Variants in SATB2 observed in about 807,000 individuals in gnomAD.
SATB2 encodes the protein DNA-binding protein SATB2.
Under a neutral mutation model 73.4 loss-of-function variants are expected in SATB2, and 1 was observed. That is an observed-to-expected ratio of 0.01 (90% confidence interval 0.00 to 0.06). SATB2 has a LOEUF of 0.06. Ranked by LOEUF, SATB2 falls within the 10% of genes least tolerant of loss-of-function variation. The probability of loss-of-function intolerance (pLI) is 1.00; values close to 1 mark genes in which losing one functional copy is unlikely to be tolerated. For missense variants in SATB2, 459 were observed against 945.8 expected, an observed-to-expected ratio of 0.49 and a Z score of 6.75; for synonymous variants, 397 against 367.0, an observed-to-expected ratio of 1.08 and a Z score of -0.93.
intron 5 of SATB2, among the ~76,000 whole-genome samples, chr2:199,375,215 C>T (rs956956298): frequency 1.3e-5 from 2 of 152,106 alleles, no homozygotes; most frequent in Non-Finnish European, 2.9e-5. Flanking sequence ...CAAATTGGAA[C>T]AGCTAAGGAC....
intron 6 of SATB2, among the ~76,000 whole-genome samples, chr2:199,363,931 C>A (rs1248716633): frequency 6.6e-6 from 1 of 152,158 alleles, no homozygotes; most frequent in Non-Finnish European, 1.5e-5. Context: ...AAGCTGAAAG[C>A]AAATTTCTCT....
Position 199,323,961 on chromosome 2 carries a change from A to G in SATB2, c.1387-3T>C. On this transcript the variant is annotated splice_region_variant and splice_polypyrimidine_tract_variant and intron_variant, in intron 8 of 10. Transcript: ENST00000417098. Reference sequence around the variant, plus strand: ...GTTGTCGGTGTCGAGGTTTTGGCCTACCAAGAGACCATGAAAATAATAATT... The same window carrying G: ...GTTGTCGGTGTCGAGGTTTTGGCCTGCCAAGAGACCATGAAAATAATAATT... 1 of 1,613,314 alleles carries G rather than the reference A, an allele frequency of 6.2e-7. No individual in the cohort carries two copies.
chr2:199,345,100 T>C (rs1195201239), intron 7 of SATB2, among the ~76,000 whole-genome samples: 3 of 151,994 alleles, frequency 2.0e-5, no homozygotes, highest in East Asian at 1.9e-4. Context: ...TCTCCTGGCA[T>C]TTCTTCTCTC....
chr2:199,310,407 A>AT (rs555797252), intron 9 of SATB2, among the ~76,000 whole-genome samples: 12 of 152,056 alleles, frequency 7.9e-5, no homozygotes, highest in East Asian at 5.8e-4. Flanking sequence ...ATTTTCATAG[A>AT]TTTTTTTTCA....
At chr2:199,354,212 C>G (rs569825696) in intron 6 of SATB2, among the ~76,000 whole-genome samples, 1 of 152,152 alleles carries the variant, frequency 6.6e-6, no homozygotes, top group Admixed American at 6.5e-5. Context: ...CAAAATTAGC[C>G]AGGTGTGGTG....
At chr2:199,321,243 A>G (rs758183917) in intron 9 of SATB2, among the ~76,000 whole-genome samples, 8 of 152,038 alleles carry the variant, frequency 5.3e-5, no homozygotes, top group Non-Finnish European at 1.2e-4. Context: ...AGGTGTATAT[A>G]TATGACTAAG....
intron 2 of SATB2, among the ~76,000 whole-genome samples, chr2:199,442,817 G>C (rs1371398996): frequency 6.6e-6 from 1 of 152,100 alleles, no homozygotes; most frequent in Non-Finnish European, 1.5e-5. Flanking sequence ...GAATATAACA[G>C]AAAAGTTCAA....
At chr2:199,372,013 G>A (rs1202466465) in intron 5 of SATB2, among the ~76,000 whole-genome samples, 2 of 152,142 alleles carry the variant, frequency 1.3e-5, no homozygotes, top group Non-Finnish European at 2.9e-5. Flanking sequence ...CTCAGATACC[G>A]AGACACAGCC....
Position 199,455,814 on chromosome 2 carries a change from C to T in SATB2, c.169+55G>A, listed in dbSNP as rs1692255086. On this transcript the variant is annotated intron_variant, in intron 2 of 10. Transcript: ENST00000417098. This position sits in a 1 kb window ranked among gnomAD's most constrained non-coding sequence, Gnocchi z 4.1. ...GCCTAATCAACCTGAACCCTGACACCCGGGCCATTATCACTGGGCCGCGGG... is the reference window on the plus strand; with the variant it reads ...GCCTAATCAACCTGAACCCTGACACTCGGGCCATTATCACTGGGCCGCGGG... 1 of 1,523,206 alleles carries T rather than the reference C, an allele frequency of 6.6e-7. No homozygotes were observed. Among genetic ancestry groups the T allele is most frequent in the Non-Finnish European group, 8.8e-7 (1 of 1,136,832 alleles). The allele number at this position is 1,523,206 out of a possible 1,614,324, so 94.4% of individuals were successfully genotyped here. A position where few individuals can be genotyped will look rare whatever the true frequency, so the allele number is the denominator to read the frequency against.
chr2:199,318,814 A>G (rs1687806016), intron 9 of SATB2, among the ~76,000 whole-genome samples: 1 of 151,276 alleles, frequency 6.6e-6, no homozygotes, highest in Non-Finnish European at 1.5e-5. Flanking sequence ...TTTTATATAA[A>G]AAGAATCTTC....
chr2:199,315,744 C>T (rs1687715768), intron 9 of SATB2, among the ~76,000 whole-genome samples: 1 of 152,036 alleles, frequency 6.6e-6, no homozygotes, highest in Admixed American at 6.6e-5. Flanking sequence ...TCTGATCTCC[C>T]ACAAGAGTTA....
chr2:199,379,070 A>G (rs1689688879), intron 5 of SATB2, among the ~76,000 whole-genome samples: 1 of 152,246 alleles, frequency 6.6e-6, no homozygotes, highest in South Asian at 2.1e-4. Flanking sequence ...AGCTCACACC[A>G]GGAAACAGAT....
intron 2 of SATB2, among the ~76,000 whole-genome samples, chr2:199,443,060 C>A (rs1295153844): frequency 7.6e-6 from 1 of 131,742 alleles, no homozygotes; most frequent in Non-Finnish European, 1.6e-5. Flanking sequence ...CTCACTCTGT[C>A]GAAAATAGTA....
At chr2:199,294,779 T>C (rs1223770390) in intron 10 of SATB2, among the ~76,000 whole-genome samples, 1 of 152,228 alleles carries the variant, frequency 6.6e-6, no homozygotes, top group African/African-American at 2.4e-5. Flanking sequence ...ACATGCTCAC[T>C]TTAGCACCTT....
intron 2 of SATB2, among the ~76,000 whole-genome samples, chr2:199,454,582 TAAAC>T (rs1692220343): frequency 2.0e-5 from 3 of 152,124 alleles, no homozygotes; most frequent in African/African-American, 7.2e-5. Flanking sequence ...AAAGGGGAGA[TAAAC>T]AAGCCAGAAT....
upstream of SATB2, among the ~76,000 whole-genome samples, chr2:199,459,429 C>G (rs1487028227): frequency 6.6e-6 from 1 of 152,186 alleles, no homozygotes. The surrounding 1 kb of genome is among the most constrained non-coding windows in gnomAD (Gnocchi z 4.2). Context: ...CCCTGCGATT[C>G]CGCTTGGGCG....
At chr2:199,469,786 A>C (rs1031775071), upstream of SATB2, 1 of 152,218 alleles carries the variant, frequency 6.6e-6, no homozygotes, top group Non-Finnish European at 1.5e-5. Context: ...CACCAGCGAA[A>C]CCCCTTCCCA....
chr2:199,395,391 A>G (rs1300775241), intron 3 of SATB2, among the ~76,000 whole-genome samples: 1 of 152,200 alleles, frequency 6.6e-6, no homozygotes, highest in African/African-American at 2.4e-5. Context: ...TTAAATTCTG[A>G]TAACAGTTTC....
intron 6 of SATB2, among the ~76,000 whole-genome samples, chr2:199,353,338 A>G (rs1457928236): frequency 6.6e-6 from 1 of 151,690 alleles, no homozygotes; most frequent in African/African-American, 2.4e-5. Context: ...TATTTTTAGT[A>G]GAAACGGGGT....
Sources: allele counts gnomAD v4.1 joint callset (sites outside exome capture counted in the v4.1 genomes callset), GRCh38; gene constraint gnomAD v4.1.1; non-coding constraint Gnocchi (gnomAD v3.1); transcripts MANE v1.5; gene names NCBI Gene and HGNC (gene_info 2026-07-23, HGNC 2026-07-21).